Variants in OPHN1 observed in about 807,000 individuals in gnomAD.
OPHN1 encodes the protein oligophrenin 1.
Under a neutral mutation model 60.7 loss-of-function variants are expected in OPHN1, and 11 were observed. The ratio of observed to expected loss-of-function variants is 0.18; its 90% CI spans 0.11 to 0.30. The LOEUF (loss-of-function observed/expected upper bound fraction) is 0.30. OPHN1 is among the 10% of genes least tolerant of loss of function. OPHN1 has a pLI of 1.00. For synonymous variants in OPHN1, 226 were observed against 222.6 expected (o/e 1.02, Z -0.14); for missense variants, 449 against 611.0 (o/e 0.73, Z 2.80).
chrX:68,303,847 C>T (rs1388549422), intron 2 of OPHN1, among the ~76,000 whole-genome samples: 1 of 110,414 alleles, frequency 9.1e-6, no homozygotes, highest in Non-Finnish European at 1.9e-5. Context: ...AAGTTGATCT[C>T]ATAGAAGTAG....
intron 15 of OPHN1, among the ~76,000 whole-genome samples, chrX:68,140,325 A>G (rs1479977472): frequency 8.9e-6 from 1 of 112,283 alleles, no homozygotes; most frequent in Non-Finnish European, 1.9e-5. Context: ...GGGCCATTTT[A>G]TAATGCTAAT....
intron 6 of OPHN1, among the ~76,000 whole-genome samples, chrX:68,230,537 G>A (rs1241786504): frequency 9.1e-6 from 1 of 110,044 alleles, no homozygotes; most frequent in Non-Finnish European, 1.9e-5. Context: ...ATGATAGACT[G>A]GATTAAGAAA....
At chrX:68,155,083 A>C (rs762876677) in intron 15 of OPHN1, among the ~76,000 whole-genome samples, 46 of 110,788 alleles carry the variant, frequency 4.2e-4, no homozygotes, top group Non-Finnish European at 7.7e-4. Context: ...TGAAACTGCA[A>C]AATTCTACCC....
rs748134266 is a variant in OPHN1, at chrX:68,114,221, T to C, written c.1362-982A>G. 1.1e-4 allele frequency among the ~76,000 whole-genome samples: 12 copies of C among 111,342 alleles called. No individual in the cohort carries two copies. The East Asian group carries it at 2.8e-3, about 26-fold the overall frequency. On this transcript the variant is annotated intron_variant, in intron 16 of 24. Transcript: ENST00000355520. ...ATAATTATAAGAATAGCAAACTCTG[T>C]ACTGCTCTAAGTGATTTACATGTAT...
intron 15 of OPHN1, among the ~76,000 whole-genome samples, chrX:68,185,098 C>T (rs979947639): frequency 1.8e-5 from 2 of 112,500 alleles, no homozygotes; most frequent in Non-Finnish European, 3.8e-5. Context: ...TATGGCTTCC[C>T]ATGGGAAAAT....
intron 4 of OPHN1, among the ~76,000 whole-genome samples, chrX:68,279,642 G>T (rs188180015): frequency 9.0e-6 from 1 of 111,440 alleles, no homozygotes; most frequent in Admixed American, 9.6e-5. Flanking sequence ...GGGTAGAGGG[G>T]TCCTTTTGCT....
intron 6 of OPHN1, among the ~76,000 whole-genome samples, chrX:68,218,224 A>G (rs1215834047): frequency 4.6e-5 from 5 of 107,589 alleles, no homozygotes; most frequent in South Asian, 8.8e-4. Context: ...AGGGAAGTTT[A>G]GAGAAAAAAG....
chrX:68,077,702 G>A (rs2076958644), intron 19 of OPHN1, among the ~76,000 whole-genome samples: 1 of 112,009 alleles, frequency 8.9e-6, no homozygotes, highest in Admixed American at 9.4e-5. Context: ...TAACCTCTAG[G>A]AAAGTGAATA....
intron 2 of OPHN1, among the ~76,000 whole-genome samples, chrX:68,377,403 T>C (rs1225729770): frequency 9.3e-6 from 1 of 107,742 alleles, no homozygotes; most frequent in East Asian, 2.9e-4. Flanking sequence ...GCCTTCTCTT[T>C]TTTTTTATTT....
At chrX:68,281,668 C>A (rs1261260412) in intron 4 of OPHN1, among the ~76,000 whole-genome samples, 3 of 111,726 alleles carry the variant, frequency 2.7e-5, no homozygotes, top group Non-Finnish European at 5.6e-5. Flanking sequence ...TTTGCAAATG[C>A]CTATTGGATA....
intron 15 of OPHN1, among the ~76,000 whole-genome samples, chrX:68,147,271 T>G (rs765994744): frequency 8.9e-6 from 1 of 111,805 alleles, no homozygotes; most frequent in Non-Finnish European, 1.9e-5. Context: ...AGGATAACCT[T>G]AGTGAAGGAA....
In OPHN1 at chrX:68,272,504, T is replaced by C. The variant is rs188448432; in HGVS notation, c.384+2234A>G. Among the ~76,000 whole-genome samples, 19 of 112,464 alleles carry C rather than the reference T, an allele frequency of 1.7e-4. No individual in the cohort carries two copies. In the Admixed American group the frequency reaches 1.8e-3, roughly 11 times the overall value. On this transcript the variant is annotated intron_variant, in intron 5 of 24. Transcript: ENST00000355520. ...CAATGACAGTCCTATAAGATTATAA[T>C]ACAGTATTTTTATATGTATGCTTTA...
intron 15 of OPHN1, among the ~76,000 whole-genome samples, chrX:68,178,939 T>C (rs1263530313): frequency 8.9e-6 from 1 of 112,053 alleles, no homozygotes; most frequent in Non-Finnish European, 1.9e-5. Context: ...TGCATTATAT[T>C]TATACAGTAA....
chrX:68,285,365 A>G (rs1360774032), intron 3 of OPHN1, among the ~76,000 whole-genome samples: 1 of 111,591 alleles, frequency 9.0e-6, no homozygotes, highest in Non-Finnish European at 1.9e-5. Context: ...GAAGCTACAA[A>G]TTTCCTTCCA....
intron 19 of OPHN1, among the ~76,000 whole-genome samples, chrX:68,093,363 CT>C (rs1235969732): frequency 8.9e-6 from 1 of 111,799 alleles, no homozygotes; most frequent in Non-Finnish European, 1.9e-5. Context: ...CTTTAAATAA[CT>C]TTTTTTCAAA....
chrX:68,119,180 C>G (rs745333742), intron 16 of OPHN1, 68 bp downstream of exon 16: 3 of 803,520 alleles, frequency 3.7e-6, no homozygotes, highest in Non-Finnish European at 5.7e-6. Context: ...ACCACGTTAA[C>G]TCCGCTCAAC....
intron 15 of OPHN1, among the ~76,000 whole-genome samples, chrX:68,171,288 T>A (rs866271298): frequency 3.7e-4 from 40 of 109,163 alleles, no homozygotes; most frequent in Middle Eastern, 9.3e-3. Context: ...TTAAAAAAAA[T>A]TTAAAAAAAT....
intron 2 of OPHN1, among the ~76,000 whole-genome samples, chrX:68,394,889 A>G (rs1241701644): frequency 7.2e-5 from 8 of 110,549 alleles, no homozygotes; most frequent in African/African-American, 2.3e-4. Context: ...CAAGTGATCC[A>G]CTCACCTCGG....
intron 15 of OPHN1, among the ~76,000 whole-genome samples, chrX:68,163,940 T>C (rs1314638450): frequency 9.0e-6 from 1 of 111,603 alleles, no homozygotes; most frequent in Non-Finnish European, 1.9e-5. Flanking sequence ...AATTAAAACA[T>C]AGAATCATAA....
Sources: gnomAD v4.1 joint callset for allele counts (sites outside exome capture counted in the v4.1 genomes callset) on GRCh38, gnomAD v4.1.1 for gene constraint, MANE v1.5 for transcripts, NCBI Gene and HGNC (gene_info 2026-07-23, HGNC 2026-07-21) for gene names.